NALCN: variants seen among roughly 807,000 people sequenced by gnomAD.
NALCN encodes the protein sodium leak channel, non-selective, also known as sodium leak channel NALCN.
In NALCN, 111 loss-of-function variants were observed where a neutral mutation model predicts 225.3. The ratio of observed to expected loss-of-function variants is 0.49; its 90% CI spans 0.42 to 0.58. The LOEUF (loss-of-function observed/expected upper bound fraction) is 0.58, where lower values mean the gene tolerates loss of function less well. NALCN is among the 20% of genes least tolerant of loss of function. NALCN has a pLI of 0.00. For synonymous variants in NALCN, 764 were observed against 769.0 expected (o/e 0.99, Z 0.11); for missense variants, 1,378 against 2,202.4 (o/e 0.63, Z 7.49).
chr13:101,114,229 C>A (rs2035587153), intron 18 of NALCN, among the ~76,000 whole-genome samples: 1 of 152,138 alleles, frequency 6.6e-6, no homozygotes. Context: ...GCCTCCATTT[C>A]CCATATGTAA....
At chr13:101,247,715 T>C (rs767437063) in intron 11 of NALCN, among the ~76,000 whole-genome samples, 2 of 152,090 alleles carry the variant, frequency 1.3e-5, no homozygotes, top group African/African-American at 2.4e-5. Context: ...CATAAGTAAA[T>C]GTGTGCCATG....
At chr13:101,065,671 C>T (rs760755140) in intron 39 of NALCN, 110 bp from the exon 40 acceptor site, 8 of 1,358,926 alleles carry the variant, frequency 5.9e-6, no homozygotes, top group Non-Finnish European at 7.9e-6. Context: ...GCATAATTAG[C>T]ACCAGATGTG....
At chr13:101,259,428 G>C (rs2042343405) in intron 10 of NALCN, among the ~76,000 whole-genome samples, 1 of 151,918 alleles carries the variant, frequency 6.6e-6, no homozygotes, top group African/African-American at 2.4e-5. Context: ...CTGCTTCCTG[G>C]ATTCACGTCA....
chr13:101,082,787 G>A, intron 33 of NALCN, 22 bp downstream of exon 33: 1 of 1,613,090 alleles, frequency 6.2e-7, no homozygotes, highest in South Asian at 1.1e-5. Flanking sequence ...TTCCCCCAGA[G>A]CTAGCTGACT....
chr13:101,399,642 A>T (rs2047410732), intron 1 of NALCN, among the ~76,000 whole-genome samples: 1 of 152,106 alleles, frequency 6.6e-6, no homozygotes, highest in African/African-American at 2.4e-5. Flanking sequence ...CCCCAAGTTG[A>T]TCTCCCAACT....
In NALCN at chr13:101,345,102, C is replaced by T. The variant is rs1035433439; in HGVS notation, c.799+164G>A. 5.9e-5 allele frequency among the ~76,000 whole-genome samples: 9 copies of T among 152,186 alleles called. No homozygotes were observed. In the East Asian group the frequency reaches 7.7e-4, roughly 13 times the overall value. On this transcript the variant is annotated intron_variant, in intron 7 of 43. Coordinates refer to ENST00000251127, the MANE Select transcript of NALCN (RefSeq NM_052867.4). Reference sequence around the variant, plus strand: ...ACACAGCTTGTATGCTACGCACTGTCGGGTAGAATATATTATAAAATAGGC... The same window carrying T: ...ACACAGCTTGTATGCTACGCACTGTTGGGTAGAATATATTATAAAATAGGC...
chr13:101,335,074 T>A (rs540203156), intron 7 of NALCN, among the ~76,000 whole-genome samples: 1 of 152,334 alleles, frequency 6.6e-6, no homozygotes, highest in South Asian at 2.1e-4. Flanking sequence ...GTCTTCTACA[T>A]ATAACATGAA....
At chr13:101,381,584 C>T (rs1223186905) in intron 3 of NALCN, among the ~76,000 whole-genome samples, 1 of 152,038 alleles carries the variant, frequency 6.6e-6, no homozygotes, top group East Asian at 1.9e-4. Context: ...AAGTTGTGCC[C>T]TTCATTCCTT....
In NALCN at chr13:101,313,920, A is replaced by G. The variant is rs368071861; in HGVS notation, c.800-21554T>C. Among the ~76,000 whole-genome samples, 23 of 152,318 alleles carry G rather than the reference A, an allele frequency of 1.5e-4. No individual in the cohort carries two copies. In the South Asian group the frequency reaches 4.3e-3, roughly 29 times the overall value. ...AGACTTGGAACCAACCCAAATGTCC[A>G]ACAACGAGAGACTGGATTAGGAAAA... On this transcript the variant is annotated intron_variant, in intron 7 of 43. Transcript: ENST00000251127.
At chr13:101,056,680 T>C (rs913670022) in intron 43 of NALCN, among the ~76,000 whole-genome samples, 25 of 152,206 alleles carry the variant, frequency 1.6e-4, no homozygotes, top group Admixed American at 1.6e-3. Context: ...CCCCCAGCTC[T>C]GTCCATGCCT....
At chr13:101,201,303 C>T (rs2040113044) in intron 13 of NALCN, among the ~76,000 whole-genome samples, 1 of 152,142 alleles carries the variant, frequency 6.6e-6, no homozygotes, top group Non-Finnish European at 1.5e-5. Context: ...TTCTCTTTAT[C>T]CCCAAAAGAA....
chr13:101,345,224 A>G (rs375205647), intron 7 of NALCN, 42 bp downstream of exon 7: 30 of 1,589,944 alleles, frequency 1.9e-5, no homozygotes, highest in Admixed American at 1.0e-4. Context: ...CATAAACATC[A>G]CAAAATAGAA....
intron 3 of NALCN, among the ~76,000 whole-genome samples, chr13:101,384,189 A>C (rs2046923454): frequency 6.6e-6 from 1 of 152,138 alleles, no homozygotes; most frequent in Admixed American, 6.6e-5. Context: ...CCAGAAGCTA[A>C]CACATATGAA....
intron 7 of NALCN, among the ~76,000 whole-genome samples, chr13:101,294,488 T>G (rs2043663709): frequency 6.6e-6 from 1 of 151,794 alleles, no homozygotes; most frequent in South Asian, 2.1e-4. Flanking sequence ...TAAAAAGAGA[T>G]TATTTTCTCT....
At chr13:101,319,166 C>T (rs2044658770) in intron 7 of NALCN, among the ~76,000 whole-genome samples, 2 of 152,124 alleles carry the variant, frequency 1.3e-5, no homozygotes, top group Admixed American at 1.3e-4. Context: ...GGAGGAAGTC[C>T]CCCAAGGTAC....
intron 10 of NALCN, among the ~76,000 whole-genome samples, chr13:101,264,636 G>A (rs1280545908): frequency 6.6e-6 from 1 of 152,158 alleles, no homozygotes; most frequent in East Asian, 1.9e-4. Context: ...GAGAAGCACT[G>A]TTGTAGGGGA....
intron 28 of NALCN, among the ~76,000 whole-genome samples, chr13:101,090,582 C>T: frequency 6.6e-6 from 1 of 152,082 alleles, no homozygotes. Flanking sequence ...CCAAATTACT[C>T]TCTTCCAGTT....
chr13:101,114,967 G>C (rs2139662613), intron 18 of NALCN, among the ~76,000 whole-genome samples: 1 of 152,224 alleles, frequency 6.6e-6, no homozygotes, highest in African/African-American at 2.4e-5. Context: ...AGCTCTAAGA[G>C]AGTAGGGTTT....
chr13:101,079,461 C>T (rs548104994), intron 34 of NALCN, among the ~76,000 whole-genome samples: 53 of 152,306 alleles, frequency 3.5e-4, no homozygotes, highest in African/African-American at 1.2e-3. Flanking sequence ...GGACAACTAC[C>T]TGAAATGCCC....
Sources: allele counts gnomAD v4.1 joint callset (sites outside exome capture counted in the v4.1 genomes callset), GRCh38; gene constraint gnomAD v4.1.1; transcripts MANE v1.5; gene names NCBI Gene and HGNC (gene_info 2026-07-23, HGNC 2026-07-21).